The following NIPSNAP3B variants were observed in gnomAD, a reference collection of about 807,000 sequenced individuals.
NIPSNAP3B encodes nipsnap homolog 3B.
NIPSNAP3B carries 30 observed loss-of-function variants against 31.5 expected under a neutral mutation model. The ratio of observed to expected loss-of-function variants is 0.95; its 90% CI spans 0.71 to 1.29. NIPSNAP3B has a LOEUF of 1.29. NIPSNAP3B is among the 50% of genes most tolerant of loss of function. The pLI, the probability that NIPSNAP3B is intolerant of heterozygous loss-of-function variation, is 0.00. For missense variants in NIPSNAP3B, 269 were observed against 300.7 expected (o/e 0.89, Z 0.78); for synonymous variants, 106 against 107.9 (o/e 0.98, Z 0.11).
intron 1 of NIPSNAP3B, 82 bp from the exon 2 acceptor site, chr9:104,766,243 T>G (rs1291114513): frequency 8.4e-6 from 9 of 1,073,706 alleles, no homozygotes; most frequent in African/African-American, 1.6e-5. Flanking sequence ...TGTGTGTTCC[T>G]TGTACCAGAC....
intron 1 of NIPSNAP3B, 72 bp downstream of exon 1, chr9:104,764,372 T>A (rs1351443684): frequency 7.5e-7 from 1 of 1,326,932 alleles, no homozygotes; most frequent in Non-Finnish European, 1.0e-6. Flanking sequence ...TTCTGAAGCG[T>A]GCGAGCCACG....
the NIPSNAP3B span, among the ~76,000 whole-genome samples, chr9:104,784,809 A>C: frequency 6.6e-6 from 1 of 152,046 alleles, no homozygotes; most frequent in Non-Finnish European, 1.5e-5. Flanking sequence ...ATGCCCAGCT[A>C]ATTTTTGTAT....
At chr9:104,786,421 TAG>T in the NIPSNAP3B span, 1 of 1,583,096 alleles carries the variant, frequency 6.3e-7, no homozygotes, top group Non-Finnish European at 8.7e-7. Flanking sequence ...GTTTTAGTTT[TAG>T]AGAGATTCTC....
downstream of NIPSNAP3B, among the ~76,000 whole-genome samples, chr9:104,780,130 G>A (rs189658120): frequency 5.9e-5 from 9 of 152,136 alleles, no homozygotes; most frequent in Admixed American, 2.0e-4. Flanking sequence ...CCTCTCCCTC[G>A]TCATTGTTCA....
At chr9:104,782,839 T>C in the NIPSNAP3B span, 26 of 144,474 alleles carry the variant, frequency 1.8e-4, 1 homozygote, top group South Asian at 1.8e-3. Flanking sequence ...GCTTTTGCAT[T>C]GTTGCAATTA....
the NIPSNAP3B span, chr9:104,786,887 C>T: frequency 2.6e-5 from 42 of 1,613,750 alleles, no homozygotes; most frequent in Non-Finnish European, 4.2e-6. Context: ...GAGATGTAAG[C>T]ACTACTGATC....
At chr9:104,784,265 G>A in the NIPSNAP3B span, 18 of 1,611,734 alleles carry the variant, frequency 1.1e-5, no homozygotes, top group Admixed American at 1.7e-5. Flanking sequence ...TGGTGCAAAG[G>A]AAAGTCTAGT....
chr9:104,789,616 G>A, the NIPSNAP3B span, among the ~76,000 whole-genome samples: 1 of 152,196 alleles, frequency 6.6e-6, no homozygotes, highest in African/African-American at 2.4e-5. Flanking sequence ...GTATAAGGTA[G>A]AATAAGAAAT....
chr9:104,786,940 G>T, the NIPSNAP3B span: 2 of 1,613,960 alleles, frequency 1.2e-6, no homozygotes, highest in South Asian at 2.2e-5. Context: ...CACAAGAACC[G>T]CCGGGCTTTG....
In NIPSNAP3B at chr9:104,764,309, C is replaced by T. The variant is rs568547456; in HGVS notation, c.60+9C>T. ...GGACGCTCGCGCCTCAGGTACTGGC[C>T]GCGGGGGCGCGCCCGAGCCCTGGCC... On this transcript the variant is annotated intron_variant, in intron 1 of 5. Transcript: ENST00000374762. 2.5e-6 allele frequency: 4 copies of T among 1,571,816 alleles called. No individual in the cohort carries two copies. The highest frequency in any genetic ancestry group is 1.4e-5 in the African/African-American group (1 of 73,952).
chr9:104,787,349 C>CA, the NIPSNAP3B span, among the ~76,000 whole-genome samples: 1 of 146,212 alleles, frequency 6.8e-6, no homozygotes, highest in Non-Finnish European at 1.5e-5. Flanking sequence ...GGTGAAATTC[C>CA]TTTTTTTTTT....
Position 104,766,358 on chromosome 9 carries a change from T to C in NIPSNAP3B, c.94T>C (p.Tyr32His), listed in dbSNP as rs772451361. 2 of 1,613,630 alleles carry C rather than the reference T, an allele frequency of 1.2e-6. No individual in the cohort carries two copies. Among genetic ancestry groups the C allele is most frequent in the East Asian group, 2.2e-5 (1 of 44,848 alleles). ...CSSFATGPRQ[Y>H]DGTFYEFRTY... ...ATCTTTTGCTACGGGCCCTAGACAA[T>C]ACGATGGAACGTTCTATGAATTTCG... Residue 32 changes from tyrosine (Y) to histidine (H), a missense_variant, in exon 2 of 6, where the codon TAC (tyrosine) becomes CAC (histidine). Tyr to His is a moderately conservative substitution (Grantham distance 83, BLOSUM62 2). Transcript: ENST00000374762.
the NIPSNAP3B span, among the ~76,000 whole-genome samples, chr9:104,789,777 C>T: frequency 6.9e-6 from 1 of 144,264 alleles, no homozygotes; most frequent in Non-Finnish European, 1.5e-5. Context: ...AAAGCCACTG[C>T]CTTGTACTAT....
the NIPSNAP3B span, chr9:104,786,467 A>G: frequency 7.9e-7 from 1 of 1,262,222 alleles, no homozygotes; most frequent in Admixed American, 1.7e-5. Flanking sequence ...GACTTCCAGC[A>G]TTCCAGCTTC....
chr9:104,778,670 C>T (rs377184495), downstream of NIPSNAP3B, among the ~76,000 whole-genome samples: 38 of 152,306 alleles, frequency 2.5e-4, no homozygotes, highest in East Asian at 6.8e-3. Flanking sequence ...TCAGCCCTTA[C>T]ATGCAGTCTG....
At chr9:104,765,602 C>G (rs1057351689) in intron 1 of NIPSNAP3B, among the ~76,000 whole-genome samples, 1 of 152,168 alleles carries the variant, frequency 6.6e-6, no homozygotes, top group Non-Finnish European at 1.5e-5. Context: ...TAATTGAGTG[C>G]ACTAAATGTA....
At chr9:104,786,640 A>C in the NIPSNAP3B span, among the ~76,000 whole-genome samples, 1 of 152,246 alleles carries the variant, frequency 6.6e-6, no homozygotes, top group East Asian at 1.9e-4. Flanking sequence ...TCCAGCTATA[A>C]GAAATGACAC....
At chr9:104,784,981 C>T in the NIPSNAP3B span, among the ~76,000 whole-genome samples, 1 of 152,146 alleles carries the variant, frequency 6.6e-6, no homozygotes, top group African/African-American at 2.4e-5. Context: ...ACCCCTACAT[C>T]ACCAACTGCT....
rs912767370 is a variant in NIPSNAP3B at position 104,776,476 on chromosome 9, T to C, written c.*3403T>C. 6.6e-6 allele frequency among the ~76,000 whole-genome samples: 1 copy of C among 152,160 alleles called. No homozygotes were observed. The highest frequency in any genetic ancestry group is 2.4e-5 in the African/African-American group (1 of 41,438). On this transcript the variant is annotated 3_prime_UTR_variant, in exon 6 of 6. Transcript: ENST00000374762. Reference sequence around the variant, plus strand: ...TGTGAGTTAGTTTTAGATGAGGTCATGTGGGTAATAGAATTAGTGCATTTA... The same window carrying C: ...TGTGAGTTAGTTTTAGATGAGGTCACGTGGGTAATAGAATTAGTGCATTTA...
Sources: allele counts gnomAD v4.1 joint callset (sites outside exome capture counted in the v4.1 genomes callset), GRCh38; gene constraint gnomAD v4.1.1; transcripts MANE v1.5; gene names NCBI Gene and HGNC (gene_info 2026-07-23, HGNC 2026-07-21).